The following LEPROT variants were observed in gnomAD, a reference collection of about 807,000 sequenced individuals.
LEPROT encodes the protein leptin receptor overlapping transcript.
In LEPROT, 3 loss-of-function variants were observed where a neutral mutation model predicts 15.4. The observed-to-expected ratio is 0.19, with a 90% CI of 0.09 to 0.50. LEPROT has a LOEUF of 0.50. Among genes scored for constraint, LEPROT ranks in the 20% least tolerant of loss-of-function variants. The pLI, the probability that LEPROT is intolerant of heterozygous loss-of-function variation, is 0.97. For missense variants in LEPROT, 137 were observed against 162.2 expected (o/e 0.84, Z 0.84); for synonymous variants, 59 against 57.5 (o/e 1.03, Z -0.12).
At chr1:65,421,004 C>T (rs1444454133) in intron 1 of LEPROT, among the ~76,000 whole-genome samples, 1 of 152,166 alleles carries the variant, frequency 6.6e-6, no homozygotes, top group Non-Finnish European at 1.5e-5. Flanking sequence ...CCAGCCTGAG[C>T]CCTCGGCGAG....
Position 65,431,942 on chromosome 1 carries a change from AT to A in LEPROT, c.*25del. 1 of 1,607,150 alleles carries A rather than the reference AT, an allele frequency of 6.2e-7. No homozygotes were observed. Among genetic ancestry groups the A allele is most frequent in the East Asian group, 2.2e-5 (1 of 44,832 alleles). ...TAGCACTTTATTCTGATTACAGTGC[AT>A]TGAATTTCTTAGAACTCATACTATC... On this transcript the variant is annotated 3_prime_UTR_variant, in exon 4 of 4. Coordinates refer to ENST00000371065, the MANE Select transcript of LEPROT (RefSeq NM_017526.5).
In LEPROT at chr1:65,429,910, C is replaced by T. The variant is rs979309646; in HGVS notation, c.141C>T (p.Ile47=). Residue 47 remains isoleucine, a synonymous_variant, in exon 3 of 4, where the codon ATC becomes ATT. Transcript: ENST00000371065. The part of the protein sequence containing the change: ...FVLIFHAISP[I]PHFIAKRVTY... ...TGATTTTCCACGCCATCTCCCCCAT[C>T]CCCCATTTCATTGCCAAAAGAGTCA... The T allele has an allele frequency of 6.5e-7, 1 of 1,539,822 alleles. No individual in the cohort carries two copies. The highest frequency in any genetic ancestry group is 1.4e-5 in the African/African-American group (1 of 73,562).
chr1:65,432,452 G>A lies in LEPROT; in HGVS notation c.*533G>A. On this transcript the variant is annotated 3_prime_UTR_variant, in exon 4 of 4. Transcript: ENST00000371065. ...TTGATGAGATCCAAAGGAGTTGTAT[G>A]CACATGAAAGTTTGAGAAGCATCAT... is the stretch of plus-strand genomic sequence containing the variant. The A allele has an allele frequency of 1.6e-6, 1 of 620,260 alleles. No individual in the cohort carries two copies. Among genetic ancestry groups the A allele is most frequent in the Non-Finnish European group, 2.0e-6 (1 of 496,390 alleles). The allele number at this position is 620,260 out of a possible 1,614,324, so 38.4% of individuals were successfully genotyped here.
At chr1:65,426,719 C>G (rs953664008) in intron 2 of LEPROT, among the ~76,000 whole-genome samples, 1 of 152,130 alleles carries the variant, frequency 6.6e-6, no homozygotes, top group Non-Finnish European at 1.5e-5. Flanking sequence ...TGTGATTAGG[C>G]CAGGCACCAT....
chr1:65,427,941 T>TAAG, intron 2 of LEPROT: 1 of 166,346 alleles, frequency 6.0e-6, no homozygotes, highest in Non-Finnish European at 1.3e-5. Flanking sequence ...ATCATCTATA[T>TAAG]TGGAAGTCAG....
rs933207261 is a variant in LEPROT, at chr1:65,425,430, A to G, written c.92+52A>G. 5 of 1,494,132 alleles carry G rather than the reference A, an allele frequency of 3.3e-6. No homozygotes were observed. The African/African-American group carries it at 4.2e-5, about 13-fold the overall frequency. The allele number at this position is 1,494,132 out of a possible 1,614,324, so 92.6% of individuals were successfully genotyped here. On this transcript the variant is annotated intron_variant, in intron 2 of 3. Transcript: ENST00000371065. ...TTCCTCTTTCTGTGTCTTTGTCACTATTAGTATGGGTGTTAGAGAGTTCGG... is the reference window on the plus strand; with the variant it reads ...TTCCTCTTTCTGTGTCTTTGTCACTGTTAGTATGGGTGTTAGAGAGTTCGG...
chr1:65,421,491 A>G (rs777951539), intron 1 of LEPROT: 107 of 1,535,608 alleles, frequency 7.0e-5, no homozygotes, highest in Non-Finnish European at 8.6e-5. Context: ...AATCTGTCGA[A>G]TAGAGTAGCA....
Position 65,423,417 on chromosome 1 carries a change from A to G in LEPROT, c.17-1886A>G, listed in dbSNP as rs551459951. On this transcript the variant is annotated intron_variant, in intron 1 of 3. Coordinates refer to ENST00000371065, the MANE Select transcript of LEPROT (RefSeq NM_017526.5). ...GAATCAAACAGAAAGATGGTTGTGAACGTTGAGAAACTGGTATCAGAACAG... is the reference window on the plus strand; with the variant it reads ...GAATCAAACAGAAAGATGGTTGTGAGCGTTGAGAAACTGGTATCAGAACAG... 1.2e-4 allele frequency among the ~76,000 whole-genome samples: 18 copies of G among 152,316 alleles called. 1 individual carries two copies. In the South Asian group the frequency reaches 3.3e-3, roughly 28 times the overall value.
chr1:65,425,561 G>C (rs1646344794), intron 2 of LEPROT, among the ~76,000 whole-genome samples, 183 bp downstream of exon 2: 1 of 152,152 alleles, frequency 6.6e-6, no homozygotes, highest in South Asian at 2.1e-4. Context: ...GTTAAAAATT[G>C]ATGTATTCAT....
intron 3 of LEPROT, among the ~76,000 whole-genome samples, chr1:65,431,204 A>AT (rs1166725592): frequency 6.6e-6 from 1 of 152,016 alleles, no homozygotes; most frequent in African/African-American, 2.4e-5. Flanking sequence ...AAATATTTAT[A>AT]TTTTTTCCTT....
At position 65,432,185 on chromosome 1, in the gene LEPROT, C is replaced by T. The variant is rs550053880; in HGVS notation, c.*266C>T. 1.9e-5 allele frequency: 21 copies of T among 1,116,026 alleles called. No homozygotes were observed. The East Asian group carries it at 2.6e-4, about 14-fold the overall frequency. The allele number at this position is 1,116,026 out of a possible 1,614,324, so 69.1% of individuals were successfully genotyped here. A position where few individuals can be genotyped will look rare whatever the true frequency, so the allele number is the denominator to read the frequency against. ...ACGGTGCTCTCAGAAAATATATTAA[C>T]GCAGTCTTGTAGGCAGCTGCCACCT... On this transcript the variant is annotated 3_prime_UTR_variant, in exon 4 of 4. Transcript: ENST00000371065.
chr1:65,433,642 A>G lies in LEPROT; in HGVS notation c.*1723A>G, dbSNP rs1479180132. On this transcript the variant is annotated 3_prime_UTR_variant, in exon 4 of 4. Transcript: ENST00000371065. The stretch of plus-strand genomic sequence containing the variant: ...ACGTTATTTTTTGGCCTTGTTCATG[A>G]TTTTATGTTTTCAGTGTCCTGTGTA... 23 of 985,382 alleles carry G rather than the reference A, an allele frequency of 2.3e-5. No homozygotes were observed. The highest frequency in any genetic ancestry group is 5.2e-4 in the Middle Eastern group (1 of 1,914). The allele number at this position is 985,382 out of a possible 1,614,324, so 61.0% of individuals were successfully genotyped here. A position where few individuals can be genotyped will look rare whatever the true frequency, so the allele number is the denominator to read the frequency against.
intron 1 of LEPROT, chr1:65,421,578 A>G: frequency 8.7e-7 from 1 of 1,149,234 alleles, no homozygotes; most frequent in Non-Finnish European, 1.3e-6. Context: ...CATCTGCTAT[A>G]AACATGTAGA....
chr1:65,425,157 C>T, intron 1 of LEPROT, 146 bp from the exon 2 acceptor site: 1 of 648,796 alleles, frequency 1.5e-6, no homozygotes, highest in Non-Finnish European at 2.7e-6. Context: ...GTTATGCAGC[C>T]ATCACTACTA....
chr1:65,430,837 T>C (rs1193423819), intron 3 of LEPROT, among the ~76,000 whole-genome samples: 1 of 152,060 alleles, frequency 6.6e-6, no homozygotes, highest in African/African-American at 2.4e-5. Flanking sequence ...GGTTGAAGCA[T>C]GATCAGAATG....
rs796404790 is a variant in LEPROT, at chr1:65,435,875, A to G, written c.*3956A>G. On this transcript the variant is annotated 3_prime_UTR_variant, in exon 4 of 4. Transcript: ENST00000371065. ...TGAAGTACCTTATTGCAAAAATCCC[A>G]CTGAGTAATAGCTCATAAATTATAA... The G allele has an allele frequency of 2.3e-5, 23 of 984,036 alleles. No homozygotes were observed. The African/African-American group carries it at 3.7e-4, about 16-fold the overall frequency. The allele number at this position is 984,036 out of a possible 1,614,324, so 61.0% of individuals were successfully genotyped here. A position where few individuals can be genotyped will look rare whatever the true frequency, so the allele number is the denominator to read the frequency against.
intron 1 of LEPROT, among the ~76,000 whole-genome samples, chr1:65,422,925 T>C (rs1325798874): frequency 1.3e-5 from 2 of 151,886 alleles, no homozygotes; most frequent in Non-Finnish European, 2.9e-5. Context: ...AGAGGATGGA[T>C]TGGAAGAGTC....
chr1:65,426,103 G>A (rs538912903), intron 2 of LEPROT, among the ~76,000 whole-genome samples: 12 of 135,010 alleles, frequency 8.9e-5, no homozygotes, highest in African/African-American at 4.5e-4. Context: ...TGGGAAGACA[G>A]TGGTCAGGGA....
chr1:65,434,842 C>T lies in LEPROT; in HGVS notation c.*2923C>T. On this transcript the variant is annotated 3_prime_UTR_variant, in exon 4 of 4. Coordinates refer to ENST00000371065, the MANE Select transcript of LEPROT (RefSeq NM_017526.5). ...TCCAGAGTCACCCACCCTTCTCCTC[C>T]CATTAGTCAGTTCTCTAAGTACAGC... 3 of 985,482 alleles carry T rather than the reference C, an allele frequency of 3.0e-6. No homozygotes were observed. Among genetic ancestry groups the T allele is most frequent in the South Asian group, 4.7e-5 (1 of 21,282 alleles). 61.0% of individuals were successfully genotyped at this position (985,482 alleles called of 1,614,324 possible).
Sources: allele counts gnomAD v4.1 joint callset (sites outside exome capture counted in the v4.1 genomes callset), GRCh38; gene constraint gnomAD v4.1.1; transcripts MANE v1.5; gene names NCBI Gene and HGNC (gene_info 2026-07-23, HGNC 2026-07-21).